The following F5 variants were observed in gnomAD, a reference collection of about 807,000 sequenced individuals.
The protein encoded by F5 is activated protein c cofactor.
F5 carries 138 observed loss-of-function variants against 216.4 expected under a neutral mutation model. That is an observed-to-expected ratio of 0.64 (90% CI 0.56 to 0.73). The LOEUF (loss-of-function observed/expected upper bound fraction) is 0.73, where lower values mean the gene tolerates loss of function less well. Among genes scored for constraint, F5 ranks in the 30% least tolerant of loss-of-function variants. The probability of loss-of-function intolerance (pLI) is 0.00; values close to 1 mark genes in which losing one functional copy is unlikely to be tolerated. For missense variants in F5, 2,403 were observed against 2,674.0 expected, an observed-to-expected ratio of 0.90 and a Z score of 2.24; for synonymous variants, 916 against 930.7, an observed-to-expected ratio of 0.98 and a Z score of 0.29.
chr1:169,521,694 C>G (rs758021751), intron 21 of F5, among the ~76,000 whole-genome samples: 39 of 143,886 alleles, frequency 2.7e-4, no homozygotes, highest in Middle Eastern at 3.8e-3. Context: ...GATCTCGGCT[C>G]ACTGCAACCT....
intron 2 of F5, among the ~76,000 whole-genome samples, chr1:169,574,986 T>C (rs1660811614): frequency 6.6e-6 from 1 of 152,230 alleles, no homozygotes; most frequent in African/African-American, 2.4e-5. Context: ...TATAGTTCTA[T>C]AACTTTATAC....
At chr1:169,545,065 A>G (rs111320684) in intron 11 of F5, among the ~76,000 whole-genome samples, 3 of 152,364 alleles carry the variant, frequency 2.0e-5, no homozygotes, top group African/African-American at 7.2e-5. Context: ...TACTAAGCAT[A>G]GTAAAAAACC....
rs6427196 is a variant in F5, at chr1:169,511,985, C to A, written c.*2328G>T. Among the ~76,000 whole-genome samples the A allele has an allele frequency of 6.6e-6, 1 of 151,954 alleles. No homozygotes were observed. The highest frequency in any genetic ancestry group is 1.5e-5 in the Non-Finnish European group (1 of 67,944). On this transcript the variant is annotated 3_prime_UTR_variant, in exon 25 of 25. Transcript: ENST00000367797. ...GGGTATCTTTTTTATTTCAAAATAA[C>A]AGGGGTTTTAATATTTCTACACAGC...
intron 2 of F5, among the ~76,000 whole-genome samples, chr1:169,577,563 ATATAT>A (rs1660885067): frequency 1.4e-4 from 2 of 14,138 alleles, no homozygotes; most frequent in Non-Finnish European, 2.5e-4. Context: ...TAATTTAAAT[ATATAT>A]ATATATATAT....
intron 4 of F5, among the ~76,000 whole-genome samples, chr1:169,559,926 C>T (rs1660429679): frequency 6.6e-6 from 1 of 151,976 alleles, no homozygotes; most frequent in Non-Finnish European, 1.5e-5. Context: ...GATGGTGAGT[C>T]CATCACGTTA....
In F5 at chr1:169,550,496, G is replaced by C. The variant is rs923820407; in HGVS notation, c.1396+144C>G. ...GAGACAAAACTCCTGAAGTGAGAAG[G>C]GTTTGGCTGTGATTTTTAGGATACT... On this transcript the variant is annotated intron_variant, in intron 9 of 24. Transcript: ENST00000367797. The C allele has an allele frequency of 5.7e-5, 40 of 706,312 alleles. No individual in the cohort carries two copies. In the African/African-American group the frequency reaches 5.8e-4, roughly 10 times the overall value. 43.8% of individuals were successfully genotyped at this position (706,312 alleles called of 1,614,324 possible).
rs1213698907 is a variant in F5, at chr1:169,513,443, G to A, written c.*870C>T. 1.3e-5 allele frequency among the ~76,000 whole-genome samples: 2 copies of A among 152,042 alleles called. No homozygotes were observed. The highest frequency in any genetic ancestry group is 1.9e-4 in the East Asian group (1 of 5,188). On this transcript the variant is annotated 3_prime_UTR_variant, in exon 25 of 25. Coordinates refer to ENST00000367797, the MANE Select transcript of F5 (RefSeq NM_000130.5). ...GAAGTTGCTGGAAGAAGAGAGAGGA[G>A]GAAGTTGAGGCCATAGAGAGGAAGG...
At position 169,541,351 on chromosome 1, in the gene F5, T is replaced by C. The variant is rs202098630; in HGVS notation, c.3739A>G (p.Thr1247Ala). ...TGGCTGAGGTCTAAAGAAAGGGTTG[T>C]ATGGCTGAGGTCTGGAGAAAGGGTT... Reference protein sequence around the residue: ...HTTLSPDLSHTTLSLDLSQTN... With the variant: ...HTTLSPDLSHATLSLDLSQTN... The change falls in exon 13 of 25, where the codon ACA becomes GCA. Residue 1247 changes from threonine (T) to alanine (A), a missense_variant. This residue lies in a region of F5 where 1,425 missense variants were observed against 1,554.8 expected (regional missense o/e 0.92). Coordinates refer to ENST00000367797, the MANE Select transcript of F5 (RefSeq NM_000130.5). 1.5e-4 allele frequency: 235 copies of C among 1,609,742 alleles called. 1 individual carries two copies. The highest frequency in any genetic ancestry group is 2.5e-5 in the Non-Finnish European group (30 of 1,178,396).
chr1:169,554,610 T>C (rs1660267741), intron 7 of F5, among the ~76,000 whole-genome samples: 1 of 152,254 alleles, frequency 6.6e-6, no homozygotes, highest in Non-Finnish European at 1.5e-5. Flanking sequence ...ATTTAGAATT[T>C]TGATACATAT....
intron 3 of F5, among the ~76,000 whole-genome samples, chr1:169,562,437 T>G (rs1660504908): frequency 6.6e-6 from 1 of 152,144 alleles, no homozygotes; most frequent in Admixed American, 6.6e-5. Context: ...TATTTGTTTC[T>G]TAATTGTAGT....
In F5 at chr1:169,536,319, CT is replaced by C. The variant is rs58033656; in HGVS notation, c.4971+186del. 0.28 allele frequency among the ~76,000 whole-genome samples: 41,447 copies of C among 146,886 alleles called. 5,684 individuals carry two copies. The highest frequency in any genetic ancestry group is 0.36 in the Admixed American group (5,352 of 14,824). On this transcript the variant is annotated intron_variant, in intron 14 of 24. Transcript: ENST00000367797. ...GTTTTCAGCATTTAAAAAATGAGAT[CT>C]TTTTTTTTTTTAGTTCGAAGATTGC...
intron 9 of F5, 31 bp downstream of exon 9, chr1:169,550,609 G>T: frequency 6.5e-7 from 1 of 1,549,820 alleles, no homozygotes; most frequent in Non-Finnish European, 8.9e-7. Flanking sequence ...GAAGTTACTA[G>T]TTGGATTCAG....
In F5 at chr1:169,523,147, C is replaced by T. The variant is rs546189258; in HGVS notation, c.6048+50G>A. 1.1e-5 allele frequency: 17 copies of T among 1,601,080 alleles called. No individual in the cohort carries two copies. In the South Asian group the frequency reaches 1.3e-4, roughly 12 times the overall value. ...ATCATTAGGTATAGTCATAATAATT[C>T]TAGGCCAAGTCTAGAGTCTAGAGAT... On this transcript the variant is annotated intron_variant, in intron 21 of 24. Transcript: ENST00000367797.
chr1:169,521,734 C>A (rs1442548960), intron 21 of F5, among the ~76,000 whole-genome samples: 1 of 150,242 alleles, frequency 6.7e-6, no homozygotes, highest in Non-Finnish European at 1.5e-5. Context: ...GATACTCCTG[C>A]CTCAGCCTCC....
chr1:169,559,879 T>C (rs1303419013), intron 4 of F5, among the ~76,000 whole-genome samples: 2 of 141,824 alleles, frequency 1.4e-5, no homozygotes, highest in Non-Finnish European at 3.0e-5. Flanking sequence ...ACATTGGGCA[T>C]GTATGTAGGT....
chr1:169,523,910 C>T lies in F5; in HGVS notation c.5789-6G>A. ...TAATCTGGGCTCCCAGTAACCTAAA[C>T]TCAAGGGAAGAAAAAGATTTATTCT... is the stretch of plus-strand genomic sequence containing the variant. On this transcript the variant is annotated splice_region_variant and splice_polypyrimidine_tract_variant and intron_variant, in intron 19 of 24. Transcript: ENST00000367797. 7 of 1,605,856 alleles carry T rather than the reference C, an allele frequency of 4.4e-6. No individual in the cohort carries two copies. Among genetic ancestry groups the T allele is most frequent in the Non-Finnish European group, 6.0e-6 (7 of 1,172,964 alleles).
At chr1:169,576,764 G>C (rs1557933329) in intron 2 of F5, among the ~76,000 whole-genome samples, 1 of 152,162 alleles carries the variant, frequency 6.6e-6, no homozygotes, top group Non-Finnish European at 1.5e-5. Context: ...GAGCCCAACA[G>C]GGTGCTGACT....
intron 14 of F5, among the ~76,000 whole-genome samples, chr1:169,532,117 T>C (rs1404122984): frequency 6.6e-6 from 1 of 152,138 alleles, no homozygotes; most frequent in African/African-American, 2.4e-5. Flanking sequence ...TCTCAATAAA[T>C]GTGGAAAAAG....
intron 3 of F5, among the ~76,000 whole-genome samples, chr1:169,563,482 C>T (rs1284457969): frequency 6.6e-6 from 1 of 152,068 alleles, no homozygotes; most frequent in Non-Finnish European, 1.5e-5. Flanking sequence ...CCACAGTTCA[C>T]TGATGCTCTG....
Sources: allele counts gnomAD v4.1 joint callset (sites outside exome capture counted in the v4.1 genomes callset), GRCh38; gene constraint gnomAD v4.1.1; regional missense constraint gnomAD v4.1.1; transcripts MANE v1.5; gene names NCBI Gene and HGNC (gene_info 2026-07-23, HGNC 2026-07-21).